The following GRID1 variants were observed in gnomAD, a reference collection of about 807,000 sequenced individuals.
GRID1 encodes the protein glutamate ionotropic receptor delta type subunit 1.
In GRID1, 28 loss-of-function variants were observed where a neutral mutation model predicts 98.0. The ratio of observed to expected loss-of-function variants is 0.29; its 90% confidence interval spans 0.21 to 0.39. GRID1 has a LOEUF of 0.39. Ranked by LOEUF, GRID1 falls within the 10% of genes least tolerant of loss-of-function variation. The pLI is 1.00. For missense variants in GRID1, 1,111 were observed against 1,340.5 expected (o/e 0.83, Z 2.67); for synonymous variants, 553 against 538.5 (o/e 1.03, Z -0.37).
intron 4 of GRID1, among the ~76,000 whole-genome samples, chr10:85,993,389 A>G (rs1285300802): frequency 6.6e-6 from 1 of 152,270 alleles, no homozygotes; most frequent in Non-Finnish European, 1.5e-5. Context: ...TCACATAGGC[A>G]AGCCACAGTG....
chr10:86,105,133 C>T (rs889335049), intron 4 of GRID1, among the ~76,000 whole-genome samples: 8 of 152,170 alleles, frequency 5.3e-5, no homozygotes, highest in African/African-American at 1.9e-4. Flanking sequence ...TCCTCTTTCC[C>T]AGGAAGTTGG....
At chr10:85,822,631 G>T (rs1379883561) in intron 8 of GRID1, among the ~76,000 whole-genome samples, 1 of 152,146 alleles carries the variant, frequency 6.6e-6, no homozygotes, top group South Asian at 2.1e-4. Context: ...TCGGTGTGGC[G>T]ATTCCTCAGG....
rs1564668672 is a variant in GRID1 at position 86,080,415 on chromosome 10, AGGGGAGGGGAGGGGAGGGG to A, written c.726+58385_726+58403del. ...AGGGAAGGGAAGGGAAGGGAAGGGG[AGGGGAGGGGAGGGGAGGGG>A]AGGGGAGGGGAGGGGAGGGGAGGGG... On this transcript the variant is annotated intron_variant, in intron 4 of 15. Coordinates refer to ENST00000327946, the MANE Select transcript of GRID1 (RefSeq NM_017551.3). Among the ~76,000 whole-genome samples the A allele has an allele frequency of 2.4e-3, 58 of 24,530 alleles. 5 individuals are homozygous for A. The highest frequency in any genetic ancestry group is 3.4e-3 in the African/African-American group (10 of 2,974). 16.1% of individuals were successfully genotyped at this position (24,530 alleles called of 152,430 possible). A position where few individuals can be genotyped will look rare whatever the true frequency, so the allele number is the denominator to read the frequency against.
intron 5 of GRID1, among the ~76,000 whole-genome samples, chr10:85,911,869 G>A (rs969765777): frequency 2.0e-5 from 3 of 152,184 alleles, no homozygotes; most frequent in African/African-American, 7.2e-5. Flanking sequence ...TTTTACCTCA[G>A]CTGCTAAAGA....
intron 2 of GRID1, among the ~76,000 whole-genome samples, chr10:86,234,841 C>A (rs1412380803): frequency 6.6e-6 from 1 of 152,104 alleles, no homozygotes; most frequent in Non-Finnish European, 1.5e-5. Context: ...ACACAGGGAG[C>A]CACCGGCTTC....
intron 8 of GRID1, among the ~76,000 whole-genome samples, chr10:85,751,168 G>A (rs1052275414): frequency 3.3e-5 from 5 of 152,166 alleles, no homozygotes; most frequent in African/African-American, 7.2e-5. Flanking sequence ...CTAACTAAAC[G>A]GAGCAGAAAG....
At chr10:86,204,634 C>T (rs1011147851) in intron 3 of GRID1, among the ~76,000 whole-genome samples, 4 of 152,184 alleles carry the variant, frequency 2.6e-5, no homozygotes, top group South Asian at 4.1e-4. Flanking sequence ...GGAGCCCAGG[C>T]GGGTGGGCAG....
At chr10:85,644,981 G>T (rs1250251337) in intron 13 of GRID1, among the ~76,000 whole-genome samples, 1 of 152,156 alleles carries the variant, frequency 6.6e-6, no homozygotes, top group East Asian at 1.9e-4. Flanking sequence ...CAAGCCTCTT[G>T]CCAGTTTTCT....
chr10:85,722,495 A>G (rs1247809175), intron 12 of GRID1, among the ~76,000 whole-genome samples: 1 of 152,184 alleles, frequency 6.6e-6, no homozygotes, highest in Non-Finnish European at 1.5e-5. Flanking sequence ...TAATCTTAAC[A>G]TTTTGTAAAC....
chr10:85,614,490 T>C (rs993350583), intron 14 of GRID1, among the ~76,000 whole-genome samples: 2 of 152,240 alleles, frequency 1.3e-5, no homozygotes, highest in African/African-American at 2.4e-5. Flanking sequence ...TTTCCCATTT[T>C]ACAGAGAAGG....
chr10:85,847,715 GA>G lies in GRID1; in HGVS notation c.1233+6780del, dbSNP rs985531941. Among the ~76,000 whole-genome samples, 348 of 142,948 alleles carry G rather than the reference GA, an allele frequency of 2.4e-3. 1 individual carries two copies. Among genetic ancestry groups the G allele is most frequent in the African/African-American group, 8.0e-3 (313 of 39,264 alleles). 93.8% of individuals were successfully genotyped at this position (142,948 alleles called of 152,430 possible). ...TCCCAGTTAGATGGTAGATTTTGTTGAAAAAAAAAAATCAAGCCACAAAAAT... is the reference window on the plus strand; with the variant it reads ...TCCCAGTTAGATGGTAGATTTTGTTGAAAAAAAAAATCAAGCCACAAAAAT... On this transcript the variant is annotated intron_variant, in intron 8 of 15. Transcript: ENST00000327946.
intron 5 of GRID1, among the ~76,000 whole-genome samples, chr10:85,897,984 G>A (rs11594641): frequency 0.09 from 13,692 of 152,030 alleles, 648 homozygotes; most frequent in Middle Eastern, 0.16. Flanking sequence ...TTAATGACAG[G>A]GATATGTTCT....
intron 4 of GRID1, among the ~76,000 whole-genome samples, chr10:85,946,534 C>T (rs187769387): frequency 9.2e-5 from 14 of 152,230 alleles, no homozygotes; most frequent in South Asian, 2.1e-4. Flanking sequence ...ATAATTTATT[C>T]GGGAAAATAC....
chr10:85,958,456 A>G (rs531705592), intron 4 of GRID1, among the ~76,000 whole-genome samples: 1 of 150,308 alleles, frequency 6.7e-6, no homozygotes, highest in African/African-American at 2.4e-5. Context: ...TATTAATCTG[A>G]GTGTGTCTGT....
chr10:85,972,477 TA>T (rs984068814), intron 4 of GRID1, among the ~76,000 whole-genome samples: 1 of 148,214 alleles, frequency 6.7e-6, no homozygotes, highest in African/African-American at 2.5e-5. Context: ...ATAAATATAT[TA>T]AATATATTTA....
rs562467834 is a variant in GRID1 at position 85,600,226 on chromosome 10, A to G, written c.*2047T>C. ...CTCTTCCTCGGGGTCATGGTAGCCCACCTAGGCTTCTCTGAGCATGCCTGG... is the reference window on the plus strand; with the variant it reads ...CTCTTCCTCGGGGTCATGGTAGCCCGCCTAGGCTTCTCTGAGCATGCCTGG... On this transcript the variant is annotated 3_prime_UTR_variant, in exon 16 of 16. Coordinates refer to ENST00000327946, the MANE Select transcript of GRID1 (RefSeq NM_017551.3). 7.5e-4 allele frequency: 114 copies of G among 152,482 alleles called. No individual in the cohort carries two copies. Among genetic ancestry groups the G allele is most frequent in the African/African-American group, 2.7e-3 (111 of 41,564 alleles). The allele number at this position is 152,482 out of a possible 1,614,324, so 9.4% of individuals were successfully genotyped here. A position where few individuals can be genotyped will look rare whatever the true frequency, so the allele number is the denominator to read the frequency against.
intron 2 of GRID1, among the ~76,000 whole-genome samples, chr10:86,238,906 A>G (rs1051958047): frequency 2.0e-5 from 3 of 152,194 alleles, no homozygotes; most frequent in Non-Finnish European, 4.4e-5. Flanking sequence ...CTACTAGGGC[A>G]GTGTGGAGAG....
chr10:85,964,101 G>A (rs1842306577), intron 4 of GRID1, among the ~76,000 whole-genome samples: 2 of 152,132 alleles, frequency 1.3e-5, no homozygotes, highest in Non-Finnish European at 1.5e-5. Flanking sequence ...TCTCTTCAAG[G>A]AGGACTATAG....
intron 6 of GRID1, among the ~76,000 whole-genome samples, chr10:85,858,585 G>A (rs1159756270): frequency 1.3e-5 from 2 of 152,180 alleles, no homozygotes; most frequent in Non-Finnish European, 2.9e-5. Flanking sequence ...AACCCATGAT[G>A]GAGATGTTGT....
Sources: gnomAD v4.1 joint callset for allele counts (sites outside exome capture counted in the v4.1 genomes callset) on GRCh38, gnomAD v4.1.1 for gene constraint, MANE v1.5 for transcripts, NCBI Gene and HGNC (gene_info 2026-07-23, HGNC 2026-07-21) for gene names.